NLGN1: variants seen among roughly 807,000 people sequenced by gnomAD.
NLGN1 encodes neuroligin 1.
Under a neutral mutation model 65.5 loss-of-function variants are expected in NLGN1, and 12 were observed. That is an observed-to-expected ratio of 0.18 (90% confidence interval 0.12 to 0.30). NLGN1 has a LOEUF of 0.30. Ranked by LOEUF, NLGN1 falls within the 10% of genes least tolerant of loss-of-function variation. The pLI is 1.00. For synonymous variants in NLGN1, 350 were observed against 359.5 expected (o/e 0.97, Z 0.30); for missense variants, 750 against 1,007.1 (o/e 0.74, Z 3.46).
chr3:174,088,291 A>G (rs988925164), intron 4 of NLGN1, among the ~76,000 whole-genome samples: 1 of 152,166 alleles, frequency 6.6e-6, no homozygotes, highest in African/African-American at 2.4e-5. Context: ...AATAAAAAGG[A>G]GACTAGAACA....
At chr3:173,588,122 A>AAT (rs1282268427) in intron 2 of NLGN1, among the ~76,000 whole-genome samples, 7 of 152,200 alleles carry the variant, frequency 4.6e-5, no homozygotes, top group Non-Finnish European at 8.8e-5. Flanking sequence ...TTAAAATTCA[A>AAT]GTTTTTGACA....
At chr3:173,578,258 A>T (rs988109990) in intron 2 of NLGN1, among the ~76,000 whole-genome samples, 5 of 151,900 alleles carry the variant, frequency 3.3e-5, no homozygotes, top group Non-Finnish European at 7.4e-5. Flanking sequence ...AAGAAGAAGA[A>T]GATGTAATTT....
chr3:173,704,584 TC>T (rs1295796289), intron 3 of NLGN1, among the ~76,000 whole-genome samples: 1 of 152,204 alleles, frequency 6.6e-6, no homozygotes, highest in East Asian at 1.9e-4. Context: ...AGTTTCAATA[TC>T]ATTTTGAGAG....
intron 1 of NLGN1, among the ~76,000 whole-genome samples, chr3:173,404,801 G>A (rs955621624): frequency 6.6e-6 from 1 of 152,098 alleles, no homozygotes; most frequent in Non-Finnish European, 1.5e-5. Context: ...CCTCTGCTAG[G>A]GAGTTAAATG....
At chr3:174,138,596 G>A (rs1000650373) in intron 4 of NLGN1, among the ~76,000 whole-genome samples, 23 of 151,734 alleles carry the variant, frequency 1.5e-4, no homozygotes, top group Non-Finnish European at 2.8e-4. Flanking sequence ...CACCACGCCC[G>A]GCTAATTTTT....
At chr3:174,153,298 T>C (rs557468280) in intron 4 of NLGN1, among the ~76,000 whole-genome samples, 2 of 152,272 alleles carry the variant, frequency 1.3e-5, no homozygotes, top group South Asian at 2.1e-4. Flanking sequence ...ATTATACTAA[T>C]GTAAGCAAGG....
intron 4 of NLGN1, among the ~76,000 whole-genome samples, chr3:174,067,083 T>TGGGAGG (rs1738776917): frequency 1.3e-5 from 2 of 152,106 alleles, no homozygotes; most frequent in Non-Finnish European, 2.9e-5. Context: ...AGAAGTTACC[T>TGGGAGG]TAAATAACTC....
chr3:173,401,434 T>A (rs1717685664), intron 1 of NLGN1, among the ~76,000 whole-genome samples: 1 of 152,152 alleles, frequency 6.6e-6, no homozygotes, highest in South Asian at 2.1e-4. Context: ...AGGATCTTTT[T>A]GATTTTTTGC....
intron 1 of NLGN1, among the ~76,000 whole-genome samples, chr3:173,409,626 C>T (rs1051617930): frequency 6.6e-6 from 1 of 152,214 alleles, no homozygotes; most frequent in African/African-American, 2.4e-5. Flanking sequence ...ACGTCTCTTA[C>T]ATGGCATCCT....
intron 4 of NLGN1, among the ~76,000 whole-genome samples, chr3:174,204,246 A>AT (rs1735022730): frequency 6.6e-6 from 1 of 152,182 alleles, no homozygotes; most frequent in African/African-American, 2.4e-5. Context: ...TTCCAGAGCA[A>AT]TTTTGTTGTT....
At chr3:173,439,306 G>C (rs1027274601) in intron 2 of NLGN1, among the ~76,000 whole-genome samples, 2 of 152,028 alleles carry the variant, frequency 1.3e-5, no homozygotes, top group Admixed American at 1.3e-4. Context: ...ATTAACAAAT[G>C]GTTATAAACT....
intron 2 of NLGN1, among the ~76,000 whole-genome samples, chr3:173,514,213 A>G (rs1027625166): frequency 5.9e-5 from 9 of 152,188 alleles, no homozygotes; most frequent in Admixed American, 2.6e-4. Context: ...CCTGAAATTT[A>G]TCTATTTTTT....
chr3:173,879,916 T>G (rs1732899163), intron 4 of NLGN1, among the ~76,000 whole-genome samples: 1 of 152,192 alleles, frequency 6.6e-6, no homozygotes, highest in African/African-American at 2.4e-5. Context: ...CTCAAGTGTA[T>G]TTTAAAATAC....
At chr3:173,598,354 A>T (rs906771631) in intron 2 of NLGN1, among the ~76,000 whole-genome samples, 1 of 152,182 alleles carries the variant, frequency 6.6e-6, no homozygotes, top group African/African-American at 2.4e-5. Context: ...TCATATTAGC[A>T]AACTTTAATT....
At chr3:174,175,376 A>T (rs1729252077) in intron 4 of NLGN1, among the ~76,000 whole-genome samples, 1 of 151,802 alleles carries the variant, frequency 6.6e-6, no homozygotes, top group African/African-American at 2.4e-5. Flanking sequence ...CACCTTTATC[A>T]TTATATAGTG....
At chr3:174,164,210 C>T (rs761586240) in intron 4 of NLGN1, among the ~76,000 whole-genome samples, 4 of 151,268 alleles carry the variant, frequency 2.6e-5, no homozygotes, top group African/African-American at 7.3e-5. Flanking sequence ...TAATTTTGTA[C>T]GTGTTTGTTG....
At chr3:173,896,360 T>C (rs1242294297) in intron 4 of NLGN1, among the ~76,000 whole-genome samples, 1 of 152,160 alleles carries the variant, frequency 6.6e-6, no homozygotes, top group Non-Finnish European at 1.5e-5. Flanking sequence ...AGAATCCTGA[T>C]AGTGTAGAAT....
intron 1 of NLGN1, among the ~76,000 whole-genome samples, chr3:173,404,741 A>AG (rs1185141911): frequency 1.3e-5 from 2 of 152,110 alleles, no homozygotes; most frequent in Non-Finnish European, 2.9e-5. Flanking sequence ...TCCATTGTGA[A>AG]TTCATTATGG....
chr3:174,142,123 G>C (rs1053076971), intron 4 of NLGN1, among the ~76,000 whole-genome samples: 3 of 151,936 alleles, frequency 2.0e-5, no homozygotes, highest in Non-Finnish European at 4.4e-5. Context: ...ACATATACCT[G>C]TACCTAAATA....
Sources: allele counts gnomAD v4.1 joint callset (sites outside exome capture counted in the v4.1 genomes callset), GRCh38; gene constraint gnomAD v4.1.1; transcripts MANE v1.5; gene names NCBI Gene and HGNC (gene_info 2026-07-23, HGNC 2026-07-21).